NUB1: variants seen among roughly 807,000 people sequenced by gnomAD.
The protein encoded by NUB1 is negative regulator of ubiquitin like proteins 1.
A neutral mutation model predicts 77.1 loss-of-function variants in NUB1; 41 were observed. The observed-to-expected ratio is 0.53, with a 90% CI of 0.41 to 0.69. The LOEUF is 0.69. NUB1 is among the 30% of genes least tolerant of loss of function. The pLI is 0.00. For synonymous variants in NUB1, 257 were observed against 281.0 expected (o/e 0.91, Z 0.85); for missense variants, 643 against 743.8 (o/e 0.86, Z 1.58).
At chr7:151,371,836 C>T (rs11972709) in intron 11 of NUB1, among the ~76,000 whole-genome samples, 3,249 of 152,160 alleles carry the variant, frequency 0.021, 121 homozygotes, top group African/African-American at 0.074. Context: ...CTTGATCTCC[C>T]GGGCTCCAAT....
chr7:151,375,956 C>T lies in NUB1; in HGVS notation c.1491+13C>T, dbSNP rs763364783. ...AAACATTGACCGAGTGAGTGACAGG[C>T]CTTTGTGCCCTCAGCTTGGACAGCC... On this transcript the variant is annotated intron_variant, in intron 13 of 14. Transcript: ENST00000568733. 5.8e-6 allele frequency: 9 copies of T among 1,561,596 alleles called. No homozygotes were observed. The African/African-American group carries it at 9.5e-5, about 16-fold the overall frequency.
Position 151,374,238 on chromosome 7 carries a change from C to G in NUB1, c.1390C>G (p.Leu464Val), listed in dbSNP as rs769514835. 6.4e-7 allele frequency: 1 copy of G among 1,554,106 alleles called. No homozygotes were observed. The highest frequency in any genetic ancestry group is 8.7e-7 in the Non-Finnish European group (1 of 1,148,580). ...AGCCAGCGGGAACTTGGATGAGGCCCTGAAGGTAGCAGCTCCCTCGGGGCC... is the reference window on the plus strand; with the variant it reads ...AGCCAGCGGGAACTTGGATGAGGCCGTGAAGGTAGCAGCTCCCTCGGGGCC... The part of the protein sequence containing the change: ...HAASGNLDEA[L>V]KILLSNPQMW... The change falls in exon 12 of 15, where the codon CTG becomes GTG. Residue 464 changes from leucine (L) to valine (V), a missense_variant. By Grantham distance (32) the Leu-to-Val change is conservative. Transcript: ENST00000568733.
At position 151,375,906 on chromosome 7, in the gene NUB1, A is replaced by G. The variant is rs368626965; in HGVS notation, c.1454A>G (p.Asn485Ser). ...WLNDSNPETD[N>S]RQESPSQENI... is the part of the protein sequence containing the mutation. The stretch of plus-strand genomic sequence containing the variant: ...AATGATTCCAATCCTGAAACCGACA[A>G]CCGTCAAGAAAGTCCTTCCCAGGAA... The change falls in exon 13 of 15, where the codon AAC becomes AGC. Residue 485 changes from asparagine to serine, a missense_variant. Physicochemically the swap from Asn to Ser is conservative, Grantham distance 46. Coordinates refer to ENST00000568733, the MANE Select transcript of NUB1 (RefSeq NM_001243351.2). The G allele has an allele frequency of 8.7e-6, 14 of 1,613,330 alleles. No individual in the cohort carries two copies. The highest frequency in any genetic ancestry group is 1.2e-5 in the Non-Finnish European group (14 of 1,179,402).
At chr7:151,360,092 C>A in intron 7 of NUB1, 49 bp from the exon 8 acceptor site, 3 of 811,716 alleles carry the variant, frequency 3.7e-6, no homozygotes, top group South Asian at 1.9e-5. Flanking sequence ...ATATAATTTG[C>A]CTTATTATAT....
intron 4 of NUB1, among the ~76,000 whole-genome samples, chr7:151,351,916 A>AACACACACACACAC (rs1204427761): frequency 0.023 from 3,459 of 151,080 alleles, 163 homozygotes; most frequent in African/African-American, 0.079. Context: ...CCATCTGTAA[A>AACACACACACACAC]ACACACACAC....
chr7:151,376,706 G>A lies in NUB1; in HGVS notation c.1564G>A (p.Ala522Thr). The A allele has an allele frequency of 6.2e-7, 1 of 1,609,048 alleles. No homozygotes were observed. Among genetic ancestry groups the A allele is most frequent in the Non-Finnish European group, 8.5e-7 (1 of 1,178,088 alleles). ...LRVFRGNVQL[A>T]AQTLAHNGGS... ...AGTGTTCAGAGGCAACGTCCAGCTG[G>A]CCGCCCAGACCCTTGCTCACAACGG... is the stretch of plus-strand genomic sequence containing the variant. Residue 522 changes from alanine to threonine, a missense_variant, in exon 14 of 15, where the codon GCC (alanine) becomes ACC (threonine). By Grantham distance (58) the Ala-to-Thr change is moderately conservative. Coordinates refer to ENST00000568733, the MANE Select transcript of NUB1 (RefSeq NM_001243351.2).
rs141312982 is a variant in NUB1 at position 151,365,434 on chromosome 7, G to A, written c.801-1505G>A. ...GGCCATTTCTGCCCACGCTCTTGAT[G>A]CTTAGTAAAACATGAACGAGCCTGT... On this transcript the variant is annotated intron_variant, in intron 8 of 14. Coordinates refer to ENST00000568733, the MANE Select transcript of NUB1 (RefSeq NM_001243351.2). Among the ~76,000 whole-genome samples, 26 of 151,942 alleles carry A rather than the reference G, an allele frequency of 1.7e-4. No homozygotes were observed. The East Asian group carries it at 5.0e-3, about 29-fold the overall frequency.
At position 151,349,091 on chromosome 7, in the gene NUB1, TCTGA is replaced by T; in HGVS notation, c.138_141del (p.Arg48Ter). ...TTGATAGGACCTTGCTAAGCAGTAC[TCTGA>T]CAGACTAGAATGCTGTGAAAATGAA... is the stretch of plus-strand genomic sequence containing the variant. On this transcript the variant is annotated frameshift_variant, in exon 3 of 15. Coordinates refer to ENST00000568733, the MANE Select transcript of NUB1 (RefSeq NM_001243351.2). LOFTEE classifies it high-confidence loss of function. The T allele has an allele frequency of 6.2e-7, 1 of 1,613,040 alleles. No individual in the cohort carries two copies. Among genetic ancestry groups the T allele is most frequent in the Non-Finnish European group, 8.5e-7 (1 of 1,179,670 alleles).
chr7:151,355,875 G>A lies in NUB1; in HGVS notation c.523G>A (p.Glu175Lys). Residue 175 changes from glutamate (E) to lysine (K), a missense_variant, in exon 6 of 15, where the codon GAG becomes AAG. Physicochemically the swap from Glu to Lys is moderately conservative, Grantham distance 56. Coordinates refer to ENST00000568733, the MANE Select transcript of NUB1 (RefSeq NM_001243351.2). ...ARKNFQLEEE[E>K]QNEAKLKEKQ... is the part of the protein sequence containing the mutation. ...GAAAAACTTCCAGTTAGAGGAAGAG[G>A]AGCAAAATGAGGCCAAACTCAAAGA... The A allele has an allele frequency of 6.2e-7, 1 of 1,613,732 alleles. No homozygotes were observed. Among genetic ancestry groups the A allele is most frequent in the Non-Finnish European group, 8.5e-7 (1 of 1,179,794 alleles).
intron 11 of NUB1, among the ~76,000 whole-genome samples, chr7:151,373,632 C>T (rs1049406103): frequency 6.6e-6 from 1 of 152,302 alleles, no homozygotes; most frequent in South Asian, 2.1e-4. Flanking sequence ...GCCCAGGAGC[C>T]CCTGATTCCA....
intron 8 of NUB1, 88 bp downstream of exon 8, chr7:151,360,335 G>A (rs754390945): frequency 1.9e-5 from 12 of 645,148 alleles, no homozygotes; most frequent in Non-Finnish European, 3.1e-5. Flanking sequence ...TGAGACTGCA[G>A]ACTTTCATCT....
chr7:151,368,717 A>G lies in NUB1; in HGVS notation c.1096-18A>G, dbSNP rs1454948759. 1 of 1,587,722 alleles carries G rather than the reference A, an allele frequency of 6.3e-7. No individual in the cohort carries two copies. The highest frequency in any genetic ancestry group is 1.8e-5 in the Admixed American group (1 of 55,380). On this transcript the variant is annotated intron_variant, in intron 10 of 14. Transcript: ENST00000568733. ...GTATTGCCGTGGTTACATGATTCTT[A>G]CATTTCCCTGTCTCTAGGCACGTCA...
intron 4 of NUB1, among the ~76,000 whole-genome samples, 180 bp from the exon 5 acceptor site, chr7:151,352,632 A>T (rs1350719276): frequency 1.3e-5 from 2 of 152,072 alleles, no homozygotes; most frequent in Non-Finnish European, 2.9e-5. Flanking sequence ...TTTTGTAGAG[A>T]TAGGATCTCT....
At chr7:151,348,598 C>A (rs1425261755) in intron 2 of NUB1, among the ~76,000 whole-genome samples, 1 of 42,996 alleles carries the variant, frequency 2.3e-5, no homozygotes, top group Non-Finnish European at 5.2e-5. Context: ...TTTTTTGAGG[C>A]GGAGTCTTGC....
chr7:151,356,347 T>C lies in NUB1; in HGVS notation c.693+125T>C, dbSNP rs114541181. ...AAACAGTGCTCCATCTCCAGCCTCG[T>C]AAACAGAAAATGTCACCACGTGGTG... On this transcript the variant is annotated intron_variant, in intron 7 of 14. Coordinates refer to ENST00000568733, the MANE Select transcript of NUB1 (RefSeq NM_001243351.2). 4.1e-5 allele frequency: 30 copies of C among 728,284 alleles called. No individual in the cohort carries two copies. In the African/African-American group the frequency reaches 5.3e-4, roughly 13 times the overall value. The allele number at this position is 728,284 out of a possible 1,614,324, so 45.1% of individuals were successfully genotyped here.
chr7:151,362,052 T>C (rs1220598122), intron 8 of NUB1, among the ~76,000 whole-genome samples: 2 of 152,222 alleles, frequency 1.3e-5, no homozygotes, highest in Admixed American at 1.3e-4. Context: ...TGGTTGATCT[T>C]CATACATCTG....
Position 151,352,849 on chromosome 7 carries a change from A to G in NUB1, c.382A>G (p.Lys128Glu). The G allele has an allele frequency of 6.4e-7, 1 of 1,563,110 alleles. No homozygotes were observed. Among genetic ancestry groups the G allele is most frequent in the Non-Finnish European group, 8.8e-7 (1 of 1,137,418 alleles). ...ETFGLQENYIKIVINKKQLQL... is the reference protein window; with the variant it reads ...ETFGLQENYIEIVINKKQLQL... ...CTTTGGACTTCAAGAAAATTATATC[A>G]AAATTGTCATAAATAAGAAGCAACT... is the stretch of plus-strand genomic sequence containing the variant. Residue 128 changes from lysine (K) to glutamate (E), a missense_variant, in exon 5 of 15, where the codon AAA becomes GAA. Physicochemically the swap from Lys to Glu is moderately conservative, Grantham distance 56. Transcript: ENST00000568733.
At position 151,375,114 on chromosome 7, in the gene NUB1, C is replaced by T. The variant is rs371347421; in HGVS notation, c.1396-734C>T. The stretch of plus-strand genomic sequence containing the variant: ...GAGGCGGGTGTGGGTGCAGCAGGCA[C>T]GGGGAGTCCACCCTGCCTTTGCCTC... On this transcript the variant is annotated intron_variant, in intron 12 of 14. Transcript: ENST00000568733. Among the ~76,000 whole-genome samples, 13 of 152,260 alleles carry T rather than the reference C, an allele frequency of 8.5e-5. No homozygotes were observed. The South Asian group carries it at 1.0e-3, about 12-fold the overall frequency.
intron 13 of NUB1, chr7:151,376,247 T>C: frequency 2.1e-6 from 1 of 468,512 alleles, no homozygotes; most frequent in Non-Finnish European, 3.9e-6. Context: ...AGGATGGCAC[T>C]GTGACCTGGG....
Sources: gnomAD v4.1 joint callset for allele counts (sites outside exome capture counted in the v4.1 genomes callset) on GRCh38, gnomAD v4.1.1 for gene constraint, MANE v1.5 for transcripts, NCBI Gene and HGNC (gene_info 2026-07-23, HGNC 2026-07-21) for gene names.